Variants in LMO7 observed in about 807,000 individuals in gnomAD.
The protein encoded by LMO7 is LIM domain only protein 7.
A neutral mutation model predicts 206.5 loss-of-function variants in LMO7; 120 were observed. The observed-to-expected ratio is 0.58, with a 90% CI of 0.50 to 0.68. The LOEUF (loss-of-function observed/expected upper bound fraction) is 0.68, where lower values mean the gene tolerates loss of function less well. LMO7 is among the 30% of genes least tolerant of loss of function. The probability of loss-of-function intolerance (pLI) is 0.00; values close to 1 mark genes in which losing one functional copy is unlikely to be tolerated. For missense variants in LMO7, 1,959 were observed against 1,957.9 expected (o/e 1.00, Z -0.01); for synonymous variants, 706 against 681.5 (o/e 1.04, Z -0.56).
chr13:75,625,474 T>G (rs548542009), intron 2 of LMO7, among the ~76,000 whole-genome samples: 2 of 151,234 alleles, frequency 1.3e-5, no homozygotes, highest in South Asian at 4.2e-4. Flanking sequence ...TGTGTGTGTG[T>G]GGTTTTGATT....
intron 3 of LMO7, among the ~76,000 whole-genome samples, chr13:75,731,827 G>A (rs2045263917): frequency 6.6e-6 from 1 of 151,680 alleles, no homozygotes; most frequent in Non-Finnish European, 1.5e-5. Flanking sequence ...CAGGCCTGGT[G>A]GTGACAAAAT....
At chr13:75,666,010 G>A (rs1164319885) in intron 1 of LMO7, among the ~76,000 whole-genome samples, 1 of 152,152 alleles carries the variant, frequency 6.6e-6, no homozygotes, top group African/African-American at 2.4e-5. Context: ...TAAACATAAA[G>A]TATTAGGATA....
intron 13 of LMO7, 124 bp downstream of exon 13, chr13:75,819,659 A>G: frequency 2.0e-6 from 2 of 976,200 alleles, no homozygotes; most frequent in Non-Finnish European, 2.8e-6. Flanking sequence ...TCAAATATGC[A>G]AAGAAACGTT....
rs1228308266 is a variant in LMO7 at position 75,842,840 on chromosome 13, C to A, written c.4032-11C>A. ...AATATTTTGACAACAAAATCTTTTT[C>A]TATCTTTTAGGCCTGTTGATTCCTA... On this transcript the variant is annotated splice_polypyrimidine_tract_variant and intron_variant, in intron 24 of 30. Coordinates refer to ENST00000377534, the MANE Select transcript of LMO7 (RefSeq NM_001306080.2). The A allele has an allele frequency of 1.9e-6, 3 of 1,573,134 alleles. No homozygotes were observed. The highest frequency in any genetic ancestry group is 4.5e-5 in the East Asian group (2 of 44,596).
intron 1 of LMO7, among the ~76,000 whole-genome samples, chr13:75,710,746 A>T (rs1413059043): frequency 6.6e-6 from 1 of 152,098 alleles, no homozygotes; most frequent in Non-Finnish European, 1.5e-5. Flanking sequence ...ATCTGCAAAC[A>T]GGGACAATTT....
chr13:75,755,250 C>T (rs571492657), intron 3 of LMO7, among the ~76,000 whole-genome samples: 11 of 152,248 alleles, frequency 7.2e-5, no homozygotes, highest in African/African-American at 2.4e-4. Flanking sequence ...GAGTTTTTGC[C>T]CATGAAATGT....
intron 11 of LMO7, among the ~76,000 whole-genome samples, chr13:75,815,582 A>G (rs189740619): frequency 9.8e-5 from 15 of 152,360 alleles, no homozygotes; most frequent in Middle Eastern, 3.4e-3. Flanking sequence ...ATACCTGTCC[A>G]GGGGTCCTGA....
chr13:75,840,683 T>A (rs1463170161), intron 22 of LMO7, among the ~76,000 whole-genome samples, 188 bp downstream of exon 22: 1 of 152,238 alleles, frequency 6.6e-6, no homozygotes, highest in Non-Finnish European at 1.5e-5. Flanking sequence ...AGTCATCCTT[T>A]AAAAATCATT....
chr13:75,769,661 T>C (rs2139982509), intron 4 of LMO7, among the ~76,000 whole-genome samples: 1 of 152,202 alleles, frequency 6.6e-6, no homozygotes, highest in South Asian at 2.1e-4. Context: ...GTGGGGTTCT[T>C]GTGGGCTTGG....
chr13:75,727,256 A>G (rs570480041), intron 3 of LMO7, among the ~76,000 whole-genome samples, 158 bp downstream of exon 3: 4 of 152,106 alleles, frequency 2.6e-5, no homozygotes, highest in African/African-American at 9.6e-5. Flanking sequence ...TTTTATCTGC[A>G]GTTCCTTTCT....
chr13:75,771,695 C>A (rs1226168121), intron 4 of LMO7, among the ~76,000 whole-genome samples: 2 of 139,006 alleles, frequency 1.4e-5, no homozygotes, highest in Non-Finnish European at 3.2e-5. Flanking sequence ...TCCAAACGTC[C>A]TTGGCTGGGA....
intron 1 of LMO7, among the ~76,000 whole-genome samples, chr13:75,663,583 A>G (rs2139294731): frequency 6.6e-6 from 1 of 151,744 alleles, no homozygotes; most frequent in African/African-American, 2.4e-5. Flanking sequence ...GGCTCCCGCC[A>G]CTACACCCGG....
chr13:75,843,461 C>A (rs550666325), intron 25 of LMO7, among the ~76,000 whole-genome samples: 1 of 152,018 alleles, frequency 6.6e-6, no homozygotes, highest in Non-Finnish European at 1.5e-5. Context: ...TGGACACGGC[C>A]GGGAAAGAAC....
chr13:75,636,351 C>T lies in LMO7; in HGVS notation c.-307C>T. ...GTCCAAACTGTCGTCGGGGCTGGTG[C>T]CGCGCGCTGCCGCTGGGCACCCGCT... On this transcript the variant is annotated 5_prime_UTR_variant, in exon 1 of 31. Coordinates refer to ENST00000377534, the MANE Select transcript of LMO7 (RefSeq NM_001306080.2). 8.1e-7 allele frequency: 1 copy of T among 1,228,016 alleles called. No individual in the cohort carries two copies. Among genetic ancestry groups the T allele is most frequent in the Non-Finnish European group, 1.0e-6 (1 of 979,066 alleles). The allele number at this position is 1,228,016 out of a possible 1,614,324, so 76.1% of individuals were successfully genotyped here.
chr13:75,774,658 C>G (rs2050148822), intron 4 of LMO7, among the ~76,000 whole-genome samples: 1 of 151,920 alleles, frequency 6.6e-6, no homozygotes, highest in South Asian at 2.1e-4. Flanking sequence ...TTTTAATATA[C>G]ATTATTATCT....
intron 15 of LMO7, among the ~76,000 whole-genome samples, chr13:75,827,467 C>T (rs2058229133): frequency 2.6e-5 from 4 of 152,274 alleles, no homozygotes; most frequent in Middle Eastern, 3.4e-3. Context: ...TAAAATCTGC[C>T]GATAGGAATT....
intron 1 of LMO7, among the ~76,000 whole-genome samples, chr13:75,686,367 T>A (rs994900609): frequency 6.6e-6 from 1 of 152,054 alleles, no homozygotes; most frequent in Non-Finnish European, 1.5e-5. Flanking sequence ...TGAGACTTAA[T>A]CATCATCACG....
intron 2 of LMO7, among the ~76,000 whole-genome samples, chr13:75,726,531 C>G (rs2044491855): frequency 6.6e-6 from 1 of 151,810 alleles, no homozygotes; most frequent in African/African-American, 2.4e-5. Flanking sequence ...AATGAGTTAC[C>G]AATAAAAACT....
chr13:75,831,356 T>C (rs1016822598), intron 15 of LMO7, among the ~76,000 whole-genome samples: 12 of 152,204 alleles, frequency 7.9e-5, no homozygotes, highest in African/African-American at 2.9e-4. Flanking sequence ...ACAATAAATG[T>C]ATGTCAAACA....
Sources: allele counts gnomAD v4.1 joint callset (sites outside exome capture counted in the v4.1 genomes callset), GRCh38; gene constraint gnomAD v4.1.1; transcripts MANE v1.5; gene names NCBI Gene and HGNC (gene_info 2026-07-23, HGNC 2026-07-21).